The following TRABD2A variants were observed in gnomAD, a reference collection of about 807,000 sequenced individuals.
TRABD2A encodes TraB domain containing 2A.
In TRABD2A, 43 loss-of-function variants were observed where a neutral mutation model predicts 45.6. That is an observed-to-expected ratio of 0.94 (90% CI 0.74 to 1.22). The LOEUF (loss-of-function observed/expected upper bound fraction) is 1.22, where lower values mean the gene tolerates loss of function less well. Among genes scored for constraint, TRABD2A ranks in the 50% most tolerant of loss-of-function variants. The pLI is 0.00. For missense variants in TRABD2A, 642 were observed against 652.4 expected (o/e 0.98, Z 0.17); for synonymous variants, 269 against 265.0 (o/e 1.02, Z -0.15).
chr2:84,859,421 T>G (rs866149852), intron 2 of TRABD2A, among the ~76,000 whole-genome samples: 1 of 152,122 alleles, frequency 6.6e-6, no homozygotes, highest in Non-Finnish European at 1.5e-5. Context: ...TCTCTAGAAG[T>G]TTATGTGCCA....
At chr2:84,863,021 T>C (rs1270719887) in intron 2 of TRABD2A, among the ~76,000 whole-genome samples, 1 of 152,130 alleles carries the variant, frequency 6.6e-6, no homozygotes, top group Non-Finnish European at 1.5e-5. Flanking sequence ...ACGGTCCACG[T>C]ACAACATCTG....
At chr2:84,858,305 T>A (rs1322492662) in intron 2 of TRABD2A, among the ~76,000 whole-genome samples, 1 of 152,034 alleles carries the variant, frequency 6.6e-6, no homozygotes, top group East Asian at 1.9e-4. Flanking sequence ...CAAATGCTCA[T>A]ATAGCCAACC....
chr2:84,871,411 T>C (rs1333490601), intron 1 of TRABD2A, among the ~76,000 whole-genome samples: 1 of 152,012 alleles, frequency 6.6e-6, no homozygotes, highest in Non-Finnish European at 1.5e-5. Flanking sequence ...CCAAAGCTTT[T>C]GAAAGTCCAA....
chr2:84,878,329 A>G (rs141852503), intron 1 of TRABD2A, among the ~76,000 whole-genome samples: 192 of 152,280 alleles, frequency 1.3e-3, no homozygotes, highest in African/African-American at 4.5e-3. Context: ...GTTCGAGACC[A>G]GCCTGCTCAA....
intron 4 of TRABD2A, chr2:84,836,517 AC>A (rs1374779646): frequency 1.3e-5 from 2 of 152,190 alleles, no homozygotes. Context: ...TTGGTGTGAA[AC>A]TTTTTGATTT....
intron 4 of TRABD2A, chr2:84,832,979 G>A (rs1196634611): frequency 2.0e-5 from 3 of 152,124 alleles, no homozygotes; most frequent in African/African-American, 7.2e-5. Flanking sequence ...TTCTGCATAG[G>A]ACAAACCCAC....
intron 2 of TRABD2A, among the ~76,000 whole-genome samples, chr2:84,848,328 T>TGATAGATACATAGATA (rs1372974431): frequency 1.6e-3 from 198 of 126,888 alleles, no homozygotes; most frequent in Admixed American, 3.0e-3. Flanking sequence ...CACATAAAAA[T>TGATAGATACATAGATA]GATAGATAGA....
intron 2 of TRABD2A, among the ~76,000 whole-genome samples, chr2:84,855,007 TGTAG>T (rs1682227579): frequency 6.6e-6 from 1 of 152,166 alleles, no homozygotes; most frequent in Non-Finnish European, 1.5e-5. Flanking sequence ...GACAGCCCTA[TGTAG>T]GACATGATTC....
chr2:84,826,802 G>T (rs1350724400), intron 5 of TRABD2A, among the ~76,000 whole-genome samples: 1 of 152,230 alleles, frequency 6.6e-6, no homozygotes, highest in Admixed American at 6.5e-5. Context: ...AAAGTGCTGG[G>T]ATTATAGGCG....
intron 3 of TRABD2A, among the ~76,000 whole-genome samples, chr2:84,839,596 G>A (rs1294406196): frequency 8.6e-5 from 13 of 150,768 alleles, no homozygotes; most frequent in Admixed American, 7.3e-4. Flanking sequence ...GTCTGATGCC[G>A]TGTGTTTATA....
intron 4 of TRABD2A, chr2:84,832,571 G>A (rs1224516563): frequency 3.7e-5 from 6 of 161,292 alleles, no homozygotes; most frequent in African/African-American, 7.2e-5. Flanking sequence ...AGGCCGAGGC[G>A]GGTGGATCAC....
intron 5 of TRABD2A, among the ~76,000 whole-genome samples, 172 bp from the exon 6 acceptor site, chr2:84,824,376 T>C (rs1235646833): frequency 6.6e-6 from 1 of 151,948 alleles, no homozygotes; most frequent in Non-Finnish European, 1.5e-5. Context: ...GGAATTTATC[T>C]CTTTGACGCC....
intron 6 of TRABD2A, among the ~76,000 whole-genome samples, chr2:84,822,999 C>T (rs777169089): frequency 6.6e-6 from 1 of 152,206 alleles, no homozygotes; most frequent in Non-Finnish European, 1.5e-5. Flanking sequence ...TTCAACTCTT[C>T]TCCTTCCCTA....
intron 5 of TRABD2A, among the ~76,000 whole-genome samples, chr2:84,828,069 C>T (rs1430288113): frequency 2.0e-5 from 3 of 152,200 alleles, no homozygotes; most frequent in African/African-American, 4.8e-5. Context: ...TCCATTACCC[C>T]AGGGGGAGAA....
At chr2:84,841,827 T>TTG in intron 3 of TRABD2A, 34 bp downstream of exon 3, 1 of 1,469,346 alleles carries the variant, frequency 6.8e-7, no homozygotes, top group Non-Finnish European at 9.0e-7. Flanking sequence ...TAATTAAATG[T>TTG]GTGCTGAGCT....
At position 84,822,158 on chromosome 2, in the gene TRABD2A, C is replaced by T. The variant is rs1681022260; in HGVS notation, c.1335-58G>A. 8.4e-6 allele frequency: 12 copies of T among 1,428,530 alleles called. 2 individuals carry two copies. In the South Asian group the frequency reaches 1.5e-4, roughly 18 times the overall value. 88.5% of individuals were successfully genotyped at this position (1,428,530 alleles called of 1,614,324 possible). A position where few individuals can be genotyped will look rare whatever the true frequency, so the allele number is the denominator to read the frequency against. On this transcript the variant is annotated intron_variant, in intron 6 of 6. Transcript: ENST00000409520. ...TCACAGCAGAAACCACTGCACACGC[C>T]AAGGCCCCCAAATGCCCACACAGCT...
chr2:84,863,739 G>A (rs1682584836), intron 2 of TRABD2A, among the ~76,000 whole-genome samples: 1 of 150,920 alleles, frequency 6.6e-6, no homozygotes, highest in African/African-American at 2.4e-5. Flanking sequence ...AGCCTCCTGA[G>A]TAGCTGGGAC....
chr2:84,860,543 A>C lies in TRABD2A; in HGVS notation c.669+9682T>G, dbSNP rs527889603. ...GCCGACACTTTCTGTTGTTTAAGCC[A>C]CCCGGTTGGTGGTACTTGGTTTATG... On this transcript the variant is annotated intron_variant, in intron 2 of 6. Coordinates refer to ENST00000409520, the MANE Select transcript of TRABD2A (RefSeq NM_001277053.2). 2.7e-4 allele frequency among the ~76,000 whole-genome samples: 41 copies of C among 152,292 alleles called. No individual in the cohort carries two copies. In the South Asian group the frequency reaches 8.3e-3, roughly 31 times the overall value.
intron 1 of TRABD2A, among the ~76,000 whole-genome samples, chr2:84,875,350 A>G (rs931071864): frequency 6.6e-6 from 1 of 152,222 alleles, no homozygotes; most frequent in Admixed American, 6.5e-5. Flanking sequence ...GCCCTGAGGC[A>G]GGGAGGGCCT....
Sources: gnomAD v4.1 joint callset for allele counts (sites outside exome capture counted in the v4.1 genomes callset) on GRCh38, gnomAD v4.1.1 for gene constraint, MANE v1.5 for transcripts, NCBI Gene and HGNC (gene_info 2026-07-23, HGNC 2026-07-21) for gene names.